Variants in OR1C1 observed in about 807,000 individuals in gnomAD.
The protein encoded by OR1C1 is olfactory receptor 1C1.
For missense variants in OR1C1, 407 were observed against 384.3 expected (o/e 1.06, Z -0.49); for synonymous variants, 153 against 154.6 (o/e 0.99, Z 0.08).
At position 247,756,640 on chromosome 1, in the gene OR1C1, T is replaced by C. The variant is rs1467812156; in HGVS notation, c.*822A>G. On this transcript the variant is annotated 3_prime_UTR_variant, in exon 2 of 2. Transcript: ENST00000641256. This position sits in a 1 kb window ranked among gnomAD's most constrained non-coding sequence, Gnocchi z 4.3. ...CTATTTAATTGAATGACCTCAAATA[T>C]AATTATTTTTGCATACAGTATGTTA... 6.6e-6 allele frequency: 1 copy of C among 152,196 alleles called. No individual in the cohort carries two copies. Among genetic ancestry groups the C allele is most frequent in the Non-Finnish European group, 1.5e-5 (1 of 68,030 alleles). The allele number at this position is 152,196 out of a possible 1,614,324, so 9.4% of individuals were successfully genotyped here. A position where few individuals can be genotyped will look rare whatever the true frequency, so the allele number is the denominator to read the frequency against.
Position 247,757,079 on chromosome 1 carries a change from G to A in OR1C1, c.*383C>T, listed in dbSNP as rs1239288490. On this transcript the variant is annotated 3_prime_UTR_variant, in exon 2 of 2. Transcript: ENST00000641256. ...TTGTCGAATTAACATTAGAATTTAT[G>A]CCCCTTTAATTCTAAATCTGAACTC... 1.2e-5 allele frequency: 2 copies of A among 163,906 alleles called. No homozygotes were observed. The highest frequency in any genetic ancestry group is 4.8e-5 in the African/African-American group (2 of 41,708). The allele number at this position is 163,906 out of a possible 1,614,324, so 10.2% of individuals were successfully genotyped here. A position where few individuals can be genotyped will look rare whatever the true frequency, so the allele number is the denominator to read the frequency against.
Position 247,757,510 on chromosome 1 carries a change from C to T in OR1C1, c.897G>A (p.Arg299=), listed in dbSNP as rs752404051. 6.2e-6 allele frequency: 10 copies of T among 1,613,878 alleles called. No individual in the cohort carries two copies. Among genetic ancestry groups the T allele is most frequent in the East Asian group, 4.5e-5 (2 of 44,878 alleles). The change falls in exon 2 of 2, where the codon AGG becomes AGA. Residue 299 remains arginine, a synonymous_variant. Transcript: ENST00000641256. ...ACTTGAGAAGCATTTTCTGAAGTCC[C>T]CTCTTCATATCCCTGTTCCTTAGGG... is the stretch of plus-strand genomic sequence containing the variant. ...IYTLRNRDMK[R]GLQKMLLKCT...
rs1358649045 is a variant in OR1C1, at chr1:247,757,490, A to C, written c.917T>G (p.Leu306Arg). ...TTGCTGCTGAAAGACTGTGCACTTGAGAAGCATTTTCTGAAGTCCCCTCTT... is the reference window on the plus strand; with the variant it reads ...TTGCTGCTGAAAGACTGTGCACTTGCGAAGCATTTTCTGAAGTCCCCTCTT... Reference protein sequence around the residue: ...DMKRGLQKMLLKCTVFQQQ With the variant: ...DMKRGLQKMLRKCTVFQQQ Residue 306 changes from leucine (L) to arginine (R), a missense_variant, in exon 2 of 2, where the codon CTC becomes CGC. By Grantham distance (102) the Leu-to-Arg change is moderately radical (BLOSUM62 -2). Coordinates refer to ENST00000641256, the MANE Select transcript of OR1C1 (RefSeq NM_012353.3). The C allele has an allele frequency of 2.5e-6, 4 of 1,613,696 alleles. No individual in the cohort carries two copies. Among genetic ancestry groups the C allele is most frequent in the Admixed American group, 1.7e-5 (1 of 60,008 alleles).
chr1:247,759,107 C>G (rs906531142), intron 1 of OR1C1, among the ~76,000 whole-genome samples: 2 of 152,112 alleles, frequency 1.3e-5, no homozygotes, highest in African/African-American at 4.8e-5. Context: ...CAGTATTCTC[C>G]CATACCTATC....
chr1:247,760,356 A>T (rs1661309346), intron 1 of OR1C1, 56 bp downstream of exon 1: 1 of 152,142 alleles, frequency 6.6e-6, no homozygotes, highest in South Asian at 2.1e-4. Context: ...AACTCAAAGG[A>T]TTATACATTA....
At chr1:247,759,525 T>C (rs1661292757) in intron 1 of OR1C1, among the ~76,000 whole-genome samples, 1 of 152,248 alleles carries the variant, frequency 6.6e-6, no homozygotes, top group Non-Finnish European at 1.5e-5. Flanking sequence ...TTGGAATTTT[T>C]AGTCCAAGTA....
At chr1:247,760,323 G>T (rs192634066) in intron 1 of OR1C1, 89 bp downstream of exon 1, 1 of 152,002 alleles carries the variant, frequency 6.6e-6, no homozygotes, top group Non-Finnish European at 1.5e-5. Flanking sequence ...TAACAGCTTC[G>T]TCAAAAAACT....
Position 247,757,924 on chromosome 1 carries a change from G to A in OR1C1, c.483C>T (p.Val161=), listed in dbSNP as rs768443867. ...VTYLHALLHT[V]LIAQLSFCAS... ...CACAGAAGGACAGCTGTGCTATTAG[G>A]ACAGTATGCAGGAGGGCGTGGAGGT... Residue 161 remains valine, a synonymous_variant, in exon 2 of 2, where the codon GTC becomes GTT. Coordinates refer to ENST00000641256, the MANE Select transcript of OR1C1 (RefSeq NM_012353.3). 1 of 1,614,068 alleles carries A rather than the reference G, an allele frequency of 6.2e-7. No homozygotes were observed. The highest frequency in any genetic ancestry group is 1.1e-5 in the South Asian group (1 of 91,076).
At position 247,756,196 on chromosome 1, in the gene OR1C1, G is replaced by T. The variant is rs1028935079; in HGVS notation, c.*1266C>A. The T allele has an allele frequency of 2.0e-5, 3 of 152,116 alleles. No individual in the cohort carries two copies. Among genetic ancestry groups the T allele is most frequent in the Non-Finnish European group, 2.9e-5 (2 of 68,022 alleles). The allele number at this position is 152,116 out of a possible 1,614,324, so 9.4% of individuals were successfully genotyped here. ...CACAGGTAAATTGCATGTCACAGGA[G>T]TTTGGTATACATATTATTTCATCAC... On this transcript the variant is annotated 3_prime_UTR_variant, in exon 2 of 2. Coordinates refer to ENST00000641256, the MANE Select transcript of OR1C1 (RefSeq NM_012353.3). The surrounding 1 kb of genome is among the most constrained non-coding windows in gnomAD (Gnocchi z 4.3).
intron 1 of OR1C1, among the ~76,000 whole-genome samples, chr1:247,759,309 A>AT (rs1361606547): frequency 6.6e-6 from 1 of 152,188 alleles, no homozygotes; most frequent in Non-Finnish European, 1.5e-5. Flanking sequence ...GCAAACATTT[A>AT]TTGAGCAATT....
chr1:247,757,312 T>C lies in OR1C1; in HGVS notation c.*150A>G. ...TTATATATTTACTCAGAGGATTTAA[T>C]GTGATAATTCATATAAAGTGCTTAA... On this transcript the variant is annotated 3_prime_UTR_variant, in exon 2 of 2. Transcript: ENST00000641256. The C allele has an allele frequency of 1.6e-6, 1 of 613,804 alleles. No homozygotes were observed. Among genetic ancestry groups the C allele is most frequent in the South Asian group, 2.1e-5 (1 of 48,702 alleles). The allele number at this position is 613,804 out of a possible 1,614,324, so 38.0% of individuals were successfully genotyped here.
Position 247,758,413 on chromosome 1 carries a change from A to C in OR1C1, c.-7T>G, listed in dbSNP as rs769349328. 1.9e-6 allele frequency: 3 copies of C among 1,552,672 alleles called. No homozygotes were observed. Among genetic ancestry groups the C allele is most frequent in the Non-Finnish European group, 2.7e-6 (3 of 1,130,746 alleles). On this transcript the variant is annotated 5_prime_UTR_variant, in exon 2 of 2. Transcript: ENST00000641256. ...TTAGATTTCTTTTTTCCATATTCCCAACAAATCTAGAAAAATAAGTTATTA... is the reference window on the plus strand; with the variant it reads ...TTAGATTTCTTTTTTCCATATTCCCCACAAATCTAGAAAAATAAGTTATTA...
At chr1:247,758,549 T>A (rs1661276125) in intron 1 of OR1C1, 130 bp from the exon 2 acceptor site, 5 of 594,564 alleles carry the variant, frequency 8.4e-6, no homozygotes, top group South Asian at 6.5e-5. Context: ...GCATCCAAAC[T>A]TGCTTGCTTG....
At chr1:247,758,920 A>G (rs1661283708) in intron 1 of OR1C1, among the ~76,000 whole-genome samples, 1 of 152,146 alleles carries the variant, frequency 6.6e-6, no homozygotes, top group Non-Finnish European at 1.5e-5. Flanking sequence ...TTGGTCACTG[A>G]TAACTGCAAG....
At position 247,757,856 on chromosome 1, in the gene OR1C1, A is replaced by G. The variant is rs766423524; in HGVS notation, c.551T>C (p.Leu184Pro). 3 of 1,614,092 alleles carry G rather than the reference A, an allele frequency of 1.9e-6. No homozygotes were observed. Among genetic ancestry groups the G allele is most frequent in the Non-Finnish European group, 1.7e-6 (2 of 1,179,996 alleles). ...IHHFFCDLNP[L>P]LQLSCSDVSF... Reference sequence around the variant, plus strand: ...GACGTCAGAGCAAGAGAGCTGCAGGAGAGGATTGAGATCACAGAAGAAATG... The same window carrying G: ...GACGTCAGAGCAAGAGAGCTGCAGGGGAGGATTGAGATCACAGAAGAAATG... The change falls in exon 2 of 2, where the codon CTC (leucine) becomes CCC (proline). Residue 184 changes from leucine (L) to proline (P), a missense_variant. Transcript: ENST00000641256.
chr1:247,758,723 C>T (rs1661279246), intron 1 of OR1C1: 1 of 230,916 alleles, frequency 4.3e-6, no homozygotes. Flanking sequence ...TTTTGCCTTG[C>T]CTACAGTAAC....
Position 247,758,062 on chromosome 1 carries a change from C to T in OR1C1, c.345G>A (p.Leu115=). 1 of 1,614,090 alleles carries T rather than the reference C, an allele frequency of 6.2e-7. No individual in the cohort carries two copies. Among genetic ancestry groups the T allele is most frequent in the Non-Finnish European group, 8.5e-7 (1 of 1,180,010 alleles). Residue 115 remains leucine, a synonymous_variant, in exon 2 of 2, where the codon CTG becomes CTA. Coordinates refer to ENST00000641256, the MANE Select transcript of OR1C1 (RefSeq NM_012353.3). ...VSFVNMDSLL[L]CVMAYDRYVA... ...CATATCTATCATACGCCATCACACA[C>T]AGAAGGAGGCTGTCCATATTCACAA...
chr1:247,757,892 T>A lies in OR1C1; in HGVS notation c.515A>T (p.Asn172Ile), dbSNP rs372503965. The change falls in exon 2 of 2, where the codon AAT (asparagine) becomes ATT (isoleucine). Residue 172 changes from asparagine (N) to isoleucine (I), a missense_variant. Physicochemically the swap from Asn to Ile is moderately radical, Grantham distance 149. Coordinates refer to ENST00000641256, the MANE Select transcript of OR1C1 (RefSeq NM_012353.3). ...LIAQLSFCAS[N>I]IIHHFFCDLN... Reference sequence around the variant, plus strand: ...ATCACAGAAGAAATGATGGATGATATTGGAGGCACAGAAGGACAGCTGTGC... The same window carrying A: ...ATCACAGAAGAAATGATGGATGATAATGGAGGCACAGAAGGACAGCTGTGC... 2 of 1,613,774 alleles carry A rather than the reference T, an allele frequency of 1.2e-6. No individual in the cohort carries two copies. The highest frequency in any genetic ancestry group is 2.7e-5 in the African/African-American group (2 of 74,864).
rs1661217206 is a variant in OR1C1 at position 247,756,810 on chromosome 1, C to T, written c.*652G>A. The T allele has an allele frequency of 6.6e-6, 1 of 152,112 alleles. No individual in the cohort carries two copies. Among genetic ancestry groups the T allele is most frequent in the African/African-American group, 2.4e-5 (1 of 41,412 alleles). 9.4% of individuals were successfully genotyped at this position (152,112 alleles called of 1,614,324 possible). A position where few individuals can be genotyped will look rare whatever the true frequency, so the allele number is the denominator to read the frequency against. On this transcript the variant is annotated 3_prime_UTR_variant, in exon 2 of 2. Coordinates refer to ENST00000641256, the MANE Select transcript of OR1C1 (RefSeq NM_012353.3). The surrounding 1 kb of genome is among the most constrained non-coding windows in gnomAD (Gnocchi z 4.3). Reference sequence around the variant, plus strand: ...CTAAAGATATTGTATACCCAAAGCACTCCTAGTTGTTGGGGGAGATCAGTT... The same window carrying T: ...CTAAAGATATTGTATACCCAAAGCATTCCTAGTTGTTGGGGGAGATCAGTT...
Sources: allele counts gnomAD v4.1 joint callset (sites outside exome capture counted in the v4.1 genomes callset), GRCh38; gene constraint gnomAD v4.1.1; non-coding constraint Gnocchi (gnomAD v3.1); transcripts MANE v1.5; gene names NCBI Gene and HGNC (gene_info 2026-07-23, HGNC 2026-07-21).